Variants in CDH10 observed in about 807,000 individuals in gnomAD.
The protein encoded by CDH10 is cadherin-10.
CDH10 carries 30 observed loss-of-function variants against 73.1 expected under a neutral mutation model. The observed-to-expected ratio is 0.41, with a 90% confidence interval of 0.31 to 0.56. The LOEUF (loss-of-function observed/expected upper bound fraction) is 0.56. Ranked by LOEUF, CDH10 falls within the 20% of genes least tolerant of loss-of-function variation. The probability of loss-of-function intolerance (pLI) is 0.27; values close to 1 mark genes in which losing one functional copy is unlikely to be tolerated. For missense variants in CDH10, 815 were observed against 973.7 expected (o/e 0.84, Z 2.17); for synonymous variants, 345 against 348.2 (o/e 0.99, Z 0.10).
chr5:24,491,022 G>C (rs16893429), intron 11 of CDH10, among the ~76,000 whole-genome samples: 2 of 151,942 alleles, frequency 1.3e-5, no homozygotes, highest in African/African-American at 4.8e-5. Flanking sequence ...CTTGATTCCC[G>C]TATGGAGGAT....
intron 2 of CDH10, among the ~76,000 whole-genome samples, chr5:24,560,083 AT>A (rs1744901916): frequency 6.6e-6 from 1 of 152,094 alleles, no homozygotes; most frequent in South Asian, 2.1e-4. Context: ...ATGTTGGCTG[AT>A]TTCACTTCAG....
intron 8 of CDH10, among the ~76,000 whole-genome samples, chr5:24,501,576 G>A (rs74871670): frequency 0.015 from 2,340 of 152,282 alleles, 69 homozygotes; most frequent in African/African-American, 0.053. Flanking sequence ...ATCTTAAAAT[G>A]TATGTCCTAA....
intron 1 of CDH10, among the ~76,000 whole-genome samples, chr5:24,609,265 T>C (rs1252201027): frequency 6.6e-6 from 1 of 152,116 alleles, no homozygotes; most frequent in East Asian, 1.9e-4. Context: ...TCCTGGTTGA[T>C]TTTTTCCCCT....
intron 8 of CDH10, among the ~76,000 whole-genome samples, chr5:24,504,845 T>C (rs1742646919): frequency 6.6e-6 from 1 of 151,956 alleles, no homozygotes; most frequent in Non-Finnish European, 1.5e-5. Flanking sequence ...TTCATGTCAA[T>C]GTTATTTTGA....
intron 6 of CDH10, among the ~76,000 whole-genome samples, chr5:24,510,637 C>T (rs1304554047): frequency 6.6e-6 from 1 of 152,164 alleles, no homozygotes; most frequent in Non-Finnish European, 1.5e-5. Flanking sequence ...CATTTAATAA[C>T]AGTTGGTTTT....
At chr5:24,514,438 T>C (rs113310097) in intron 5 of CDH10, among the ~76,000 whole-genome samples, 294 of 152,308 alleles carry the variant, frequency 1.9e-3, no homozygotes, top group Non-Finnish European at 3.5e-3. Context: ...TTATGAAAGA[T>C]TTTCGACACA....
At chr5:24,516,905 C>T (rs767975829) in intron 5 of CDH10, among the ~76,000 whole-genome samples, 14 of 151,598 alleles carry the variant, frequency 9.2e-5, no homozygotes, top group Non-Finnish European at 1.5e-4. Context: ...TAAAAAAATA[C>T]ATAACTCTTG....
chr5:24,573,012 T>A, intron 2 of CDH10, among the ~76,000 whole-genome samples: 1 of 129,020 alleles, frequency 7.8e-6, no homozygotes, highest in East Asian at 2.4e-4. Flanking sequence ...AAAATAAAGA[T>A]CACCAGAAAA....
rs568805923 is a variant in CDH10 at position 24,584,908 on chromosome 5, A to T, written c.231+8352T>A. Reference sequence around the variant, plus strand: ...GTCATCCAGGCTGGAGTGCAGTGGCATGATCTTGGCTCACTGCAGCCTCAA... The same window carrying T: ...GTCATCCAGGCTGGAGTGCAGTGGCTTGATCTTGGCTCACTGCAGCCTCAA... On this transcript the variant is annotated intron_variant, in intron 2 of 11. Coordinates refer to ENST00000264463, the MANE Select transcript of CDH10 (RefSeq NM_006727.5). 1.4e-4 allele frequency among the ~76,000 whole-genome samples: 21 copies of T among 150,998 alleles called. No homozygotes were observed. The South Asian group carries it at 4.2e-3, about 30-fold the overall frequency.
chr5:24,604,280 A>G (rs899485281), intron 1 of CDH10, among the ~76,000 whole-genome samples: 18 of 152,090 alleles, frequency 1.2e-4, no homozygotes, highest in African/African-American at 4.3e-4. Flanking sequence ...CCAGAAGTTC[A>G]CAACTGCAGT....
intron 1 of CDH10, among the ~76,000 whole-genome samples, chr5:24,607,659 CTT>C (rs2112135027): frequency 6.6e-6 from 1 of 152,172 alleles, no homozygotes; most frequent in East Asian, 1.9e-4. Context: ...TTTTTTATGA[CTT>C]TTAAAATTCT....
intron 1 of CDH10, among the ~76,000 whole-genome samples, chr5:24,639,780 GCT>G (rs1272636077): frequency 6.6e-6 from 1 of 151,706 alleles, no homozygotes; most frequent in Non-Finnish European, 1.5e-5. Context: ...AAAAATCAGG[GCT>G]CTGTCAAACC....
intron 2 of CDH10, among the ~76,000 whole-genome samples, chr5:24,582,137 G>T (rs1019950111): frequency 1.3e-5 from 2 of 152,096 alleles, no homozygotes; most frequent in African/African-American, 4.8e-5. Flanking sequence ...CAGGATACAT[G>T]CACAGAAATG....
intron 2 of CDH10, among the ~76,000 whole-genome samples, chr5:24,579,211 C>G (rs1048407914): frequency 6.6e-6 from 1 of 151,842 alleles, no homozygotes; most frequent in East Asian, 1.9e-4. Flanking sequence ...CCTTAAGATA[C>G]TTTATAATTA....
At chr5:24,641,339 T>C (rs956846045) in intron 1 of CDH10, among the ~76,000 whole-genome samples, 6 of 151,766 alleles carry the variant, frequency 4.0e-5, no homozygotes, top group African/African-American at 1.5e-4. Context: ...CTTGTTCTTA[T>C]GCATGAAAAA....
chr5:24,550,564 C>A (rs1162286871), intron 2 of CDH10, among the ~76,000 whole-genome samples: 2 of 152,134 alleles, frequency 1.3e-5, no homozygotes, highest in African/African-American at 2.4e-5. Context: ...GAAATCTTCT[C>A]TATCTTTTTC....
intron 9 of CDH10, among the ~76,000 whole-genome samples, chr5:24,496,410 C>T (rs1372879523): frequency 1.3e-5 from 2 of 152,072 alleles, no homozygotes; most frequent in Admixed American, 6.5e-5. Context: ...CTGACTCTCT[C>T]TGAGATGGAA....
At position 24,627,085 on chromosome 5, in the gene CDH10, C is replaced by A. The variant is rs10074034; in HGVS notation, c.-124+17509G>T. Among the ~76,000 whole-genome samples, 955 of 151,898 alleles carry A rather than the reference C, an allele frequency of 6.3e-3. 5 individuals carry two copies. The highest frequency in any genetic ancestry group is 0.02 in the African/African-American group (848 of 41,464). On this transcript the variant is annotated intron_variant, in intron 1 of 11. Transcript: ENST00000264463. ...TATATAATTAAAAATATTCTATGCA[C>A]ATTAAGTAATATCACCATATGCTTT... is the stretch of plus-strand genomic sequence containing the variant.
At chr5:24,512,400 T>G (rs1742948939) in intron 5 of CDH10, among the ~76,000 whole-genome samples, 1 of 152,224 alleles carries the variant, frequency 6.6e-6, no homozygotes, top group African/African-American at 2.4e-5. Context: ...ATACACTGAA[T>G]GTTTCTATGT....
Sources: gnomAD v4.1 joint callset for allele counts (sites outside exome capture counted in the v4.1 genomes callset) on GRCh38, gnomAD v4.1.1 for gene constraint, MANE v1.5 for transcripts, NCBI Gene and HGNC (gene_info 2026-07-23, HGNC 2026-07-21) for gene names.